PTK2B: variants seen among roughly 807,000 people sequenced by gnomAD.
PTK2B encodes the protein protein tyrosine kinase 2 beta.
A neutral mutation model predicts 142.9 loss-of-function variants in PTK2B; 71 were observed. The ratio of observed to expected loss-of-function variants is 0.50; its 90% confidence interval spans 0.41 to 0.61. The LOEUF (loss-of-function observed/expected upper bound fraction) is 0.61, where lower values mean the gene tolerates loss of function less well. Ranked by LOEUF, PTK2B falls within the 20% of genes least tolerant of loss-of-function variation. The probability of loss-of-function intolerance (pLI) is 0.00; values close to 1 mark genes in which losing one functional copy is unlikely to be tolerated. For synonymous variants in PTK2B, 519 were observed against 503.4 expected (o/e 1.03, Z -0.42); for missense variants, 1,105 against 1,320.4 (o/e 0.84, Z 2.53).
intron 5 of PTK2B, among the ~76,000 whole-genome samples, chr8:27,424,383 C>G (rs1431252844): frequency 1.3e-5 from 2 of 152,200 alleles, no homozygotes; most frequent in Admixed American, 6.5e-5. Context: ...TGTAGGTAGT[C>G]TTGTCAAGAG....
chr8:27,356,552 C>T (rs1805401891), intron 1 of PTK2B, among the ~76,000 whole-genome samples: 1 of 152,192 alleles, frequency 6.6e-6, no homozygotes, highest in Non-Finnish European at 1.5e-5. Flanking sequence ...CCAGTGAATT[C>T]ATGGAATGCA....
At chr8:27,407,333 T>C (rs1808782426) in intron 2 of PTK2B, among the ~76,000 whole-genome samples, 1 of 152,126 alleles carries the variant, frequency 6.6e-6, no homozygotes, top group Non-Finnish European at 1.5e-5. Flanking sequence ...AGGAAGTCAT[T>C]TTTCTTTGCC....
chr8:27,380,593 G>A (rs1018811779), intron 1 of PTK2B: 11 of 151,792 alleles, frequency 7.2e-5, no homozygotes, highest in Admixed American at 7.2e-4. Flanking sequence ...CTTGGGTAAC[G>A]ACAAGAAACT....
intron 1 of PTK2B, among the ~76,000 whole-genome samples, chr8:27,329,151 G>A (rs1803588025): frequency 6.6e-6 from 1 of 152,040 alleles, no homozygotes; most frequent in Non-Finnish European, 1.5e-5. Context: ...TTGGCCAGGA[G>A]GGTCTCAATT....
rs748935335 is a variant in PTK2B, at chr8:27,419,986, C to T, written c.296C>T (p.Ser99Phe). 3 of 1,614,148 alleles carry T rather than the reference C, an allele frequency of 1.9e-6. No individual in the cohort carries two copies. The highest frequency in any genetic ancestry group is 1.1e-5 in the South Asian group (1 of 91,072). The part of the protein sequence containing the change: ...CYGLRLKHMK[S>F]DEIHWLHPQM... ...GGGCTGAGGCTGAAGCACATGAAGTCCGATGAGATCCACTGGCTGCACCCA... is the reference window on the plus strand; with the variant it reads ...GGGCTGAGGCTGAAGCACATGAAGTTCGATGAGATCCACTGGCTGCACCCA... The change falls in exon 3 of 31, where the codon TCC becomes TTC. Residue 99 changes from serine (S) to phenylalanine (F), a missense_variant. Physicochemically the swap from Ser to Phe is radical, Grantham distance 155. Coordinates refer to ENST00000346049, the MANE Select transcript of PTK2B (RefSeq NM_173176.3).
chr8:27,454,259 C>A lies in PTK2B; in HGVS notation c.2701C>A (p.Leu901Met). 6.2e-7 allele frequency: 1 copy of A among 1,614,048 alleles called. No homozygotes were observed. Among genetic ancestry groups the A allele is most frequent in the South Asian group, 1.1e-5 (1 of 91,074 alleles). The stretch of plus-strand genomic sequence containing the variant: ...GGAGCTCAAGAATGAGCTCTGTCAG[C>A]TGCCCCCCGAGGGCTACGTGGTGGT... ...VLELKNELCQ[L>M]PPEGYVVVVK... is the part of the protein sequence containing the mutation. The change falls in exon 29 of 31, where the codon CTG (leucine) becomes ATG (methionine). Residue 901 changes from leucine (L) to methionine (M), a missense_variant. Transcript: ENST00000346049.
chr8:27,457,146 T>C (rs1812186297), intron 30 of PTK2B, among the ~76,000 whole-genome samples: 1 of 152,232 alleles, frequency 6.6e-6, no homozygotes, highest in African/African-American at 2.4e-5. Flanking sequence ...GCAGATGCCA[T>C]CTAGGACTTT....
intron 24 of PTK2B, among the ~76,000 whole-genome samples, chr8:27,450,177 C>T (rs1335256059): frequency 6.6e-6 from 1 of 152,160 alleles, no homozygotes; most frequent in African/African-American, 2.4e-5. Flanking sequence ...CTTGTTCTCT[C>T]AGGCTCTGCT....
rs188793925 is a variant in PTK2B at position 27,368,412 on chromosome 8, C to T, written c.-37-29136C>T. On this transcript the variant is annotated intron_variant, in intron 1 of 30. Coordinates refer to ENST00000346049, the MANE Select transcript of PTK2B (RefSeq NM_173176.3). Reference sequence around the variant, plus strand: ...GCCACCATCACTACCTCACCAAATTCCCCTTGGTATTCATCCCTCCACTGA... The same window carrying T: ...GCCACCATCACTACCTCACCAAATTTCCCTTGGTATTCATCCCTCCACTGA... Among the ~76,000 whole-genome samples the T allele has an allele frequency of 1.5e-3, 234 of 152,276 alleles. 4 individuals carry two copies. The highest frequency in any genetic ancestry group is 2.8e-4 in the Non-Finnish European group (19 of 68,026).
intron 24 of PTK2B, among the ~76,000 whole-genome samples, chr8:27,447,985 A>G (rs1811573103): frequency 6.6e-6 from 1 of 152,412 alleles, no homozygotes; most frequent in Non-Finnish European, 1.5e-5. Context: ...ACAGTCGACC[A>G]GAAGGATCAG....
chr8:27,403,062 AGCAGC>A (rs1808476382), intron 2 of PTK2B, among the ~76,000 whole-genome samples: 1 of 152,188 alleles, frequency 6.6e-6, no homozygotes, highest in African/African-American at 2.4e-5. Context: ...ACCCTCTTGG[AGCAGC>A]CCTTCTTCTC....
At chr8:27,420,801 C>T in intron 4 of PTK2B, 57 bp downstream of exon 4, 1 of 1,454,970 alleles carries the variant, frequency 6.9e-7, no homozygotes, top group East Asian at 2.3e-5. Context: ...AAATGCCAAG[C>T]ATGAACCGTT....
rs1207443613 is a variant in PTK2B at position 27,458,400 on chromosome 8, G to A, written c.2921G>A (p.Arg974Lys). The A allele has an allele frequency of 3.1e-6, 5 of 1,613,202 alleles. No individual in the cohort carries two copies. In the African/African-American group the frequency reaches 5.3e-5, roughly 17 times the overall value. The change falls in exon 31 of 31, where the codon AGG (arginine) becomes AAG (lysine). Residue 974 changes from arginine to lysine, a missense_variant. Physicochemically the swap from Arg to Lys is conservative, Grantham distance 26. Transcript: ENST00000346049. The stretch of plus-strand genomic sequence containing the variant: ...ACCTCCCTAAGTGAGGAGTGCAAGA[G>A]GCAGATGCTGACGGCTTCACACACC... ...AVTSLSEECK[R>K]QMLTASHTLA...
chr8:27,442,833 T>G (rs747587370), intron 21 of PTK2B, 42 bp from the exon 22 acceptor site: 1 of 1,559,906 alleles, frequency 6.4e-7, no homozygotes, highest in Non-Finnish European at 8.8e-7. Flanking sequence ...AGCGTCTCAC[T>G]TTGACCTAGT....
In PTK2B at chr8:27,444,207, C is replaced by T. The variant is rs1435877061; in HGVS notation, c.2150C>T (p.Pro717Leu). Residue 717 changes from proline to leucine, a missense_variant and splice_region_variant, in exon 23 of 31, where the codon CCC becomes CTC. By Grantham distance (98) the Pro-to-Leu change is moderately conservative. Coordinates refer to ENST00000346049, the MANE Select transcript of PTK2B (RefSeq NM_173176.3). Reference sequence around the variant, plus strand: ...GACCCATCTGTGTTCTCTCTCCAGCCCAGCCGACCTAAGTACAGACCCCCT... The same window carrying T: ...GACCCATCTGTGTTCTCTCTCCAGCTCAGCCGACCTAAGTACAGACCCCCT... ...PTAFQEPPPK[P>L]SRPKYRPPPQ... The T allele has an allele frequency of 2.5e-6, 4 of 1,612,950 alleles. No individual in the cohort carries two copies. Among genetic ancestry groups the T allele is most frequent in the South Asian group, 1.1e-5 (1 of 91,042 alleles).
At chr8:27,374,338 T>C (rs1385737290) in intron 1 of PTK2B, among the ~76,000 whole-genome samples, 1 of 152,234 alleles carries the variant, frequency 6.6e-6, no homozygotes, top group African/African-American at 2.4e-5. Flanking sequence ...TGGTAGGACA[T>C]GCAGATGCAG....
chr8:27,384,824 AG>A (rs1265899065), intron 1 of PTK2B, among the ~76,000 whole-genome samples: 1 of 152,222 alleles, frequency 6.6e-6, no homozygotes, highest in Non-Finnish European at 1.5e-5. Flanking sequence ...GCATGTAAAC[AG>A]GGTGAAGAAC....
At chr8:27,374,143 G>C (rs965575947) in intron 1 of PTK2B, among the ~76,000 whole-genome samples, 5 of 152,160 alleles carry the variant, frequency 3.3e-5, no homozygotes, top group Non-Finnish European at 7.3e-5. Context: ...GGGCAGCAGG[G>C]GCTGCACATT....
chr8:27,387,689 A>C (rs1257448397), intron 1 of PTK2B, among the ~76,000 whole-genome samples: 1 of 152,228 alleles, frequency 6.6e-6, no homozygotes, highest in Non-Finnish European at 1.5e-5. Context: ...TGGTAATCCC[A>C]ACACTACATT....
Sources: gnomAD v4.1 joint callset for allele counts (sites outside exome capture counted in the v4.1 genomes callset) on GRCh38, gnomAD v4.1.1 for gene constraint, MANE v1.5 for transcripts, NCBI Gene and HGNC (gene_info 2026-07-23, HGNC 2026-07-21) for gene names.